Variants in ASPH observed in about 807,000 individuals in gnomAD.
ASPH encodes aspartate beta-hydroxylase.
ASPH carries 100 observed loss-of-function variants against 118.4 expected under a neutral mutation model. That is an observed-to-expected ratio of 0.84 (90% CI 0.72 to 1.00). ASPH has a LOEUF of 1.00. Ranked by LOEUF, ASPH falls within the 50% of genes least tolerant of loss-of-function variation. ASPH has a pLI of 0.00. For synonymous variants in ASPH, 315 were observed against 325.6 expected, an observed-to-expected ratio of 0.97 and a Z score of 0.35; for missense variants, 920 against 919.5, an observed-to-expected ratio of 1.00 and a Z score of -0.01.
At chr8:61,650,433 A>G (rs546587831) in intron 5 of ASPH, among the ~76,000 whole-genome samples, 128 of 152,334 alleles carry the variant, frequency 8.4e-4, no homozygotes, top group African/African-American at 2.9e-3. Flanking sequence ...CAATCCCTTC[A>G]TGAGATACGT....
chr8:61,535,492 T>C (rs1819145234), intron 21 of ASPH, among the ~76,000 whole-genome samples: 2 of 152,126 alleles, frequency 1.3e-5, no homozygotes, highest in Non-Finnish European at 2.9e-5. Context: ...ACACTGGAAA[T>C]TGAGAAAAGT....
At chr8:61,670,997 G>A (rs1036868032) in intron 3 of ASPH, among the ~76,000 whole-genome samples, 13 of 152,092 alleles carry the variant, frequency 8.5e-5, no homozygotes, top group African/African-American at 2.4e-4. Flanking sequence ...GCATGCCCCC[G>A]ACAGAGGCTC....
At position 61,513,856 on chromosome 8, in the gene ASPH, T is replaced by A. The variant is rs1586309877; in HGVS notation, c.2126+3672A>T. Among the ~76,000 whole-genome samples, 4 of 152,138 alleles carry A rather than the reference T, an allele frequency of 2.6e-5. No individual in the cohort carries two copies. The East Asian group carries it at 7.7e-4, about 29-fold the overall frequency. On this transcript the variant is annotated intron_variant, in intron 24 of 24. Coordinates refer to ENST00000379454, the MANE Select transcript of ASPH (RefSeq NM_004318.4). ...GGTGAAGATGGTTAACCTAATTATG[T>A]TTTAAGCTTTAGGGGAGGGGTTGGT...
intron 14 of ASPH, among the ~76,000 whole-genome samples, chr8:61,584,682 T>C (rs1838788350): frequency 6.6e-6 from 1 of 151,410 alleles, no homozygotes; most frequent in African/African-American, 2.4e-5. Context: ...TTTTCTTTTT[T>C]TTTTTCTGTA....
intron 18 of ASPH, among the ~76,000 whole-genome samples, chr8:61,561,113 AG>A (rs1392235403): frequency 2.6e-5 from 1 of 38,968 alleles, no homozygotes; most frequent in Non-Finnish European, 5.0e-5. Context: ...GGAGGGAGGG[AG>A]GGAGGGAGGG....
At chr8:61,607,983 G>A (rs1181293894) in intron 14 of ASPH, among the ~76,000 whole-genome samples, 1 of 152,156 alleles carries the variant, frequency 6.6e-6, no homozygotes, top group African/African-American at 2.4e-5. Flanking sequence ...AGGAGGATGG[G>A]GGACTTGAGA....
At chr8:61,626,227 G>A in intron 13 of ASPH, 1 of 1,523,046 alleles carries the variant, frequency 6.6e-7, no homozygotes, top group South Asian at 1.3e-5. Flanking sequence ...GGAGCGTATG[G>A]TTAGGCTGGT....
At chr8:61,676,268 AG>A (rs747423878) in intron 3 of ASPH, 1 of 1,590,630 alleles carries the variant, frequency 6.3e-7, no homozygotes, top group South Asian at 1.1e-5. Context: ...TAAAATATTA[AG>A]GACTTCCTCA....
chr8:61,608,032 C>T (rs1166781039), intron 14 of ASPH, among the ~76,000 whole-genome samples: 1 of 152,160 alleles, frequency 6.6e-6, no homozygotes, highest in Non-Finnish European at 1.5e-5. Flanking sequence ...AGGCCAGAGG[C>T]AGTTGCTGTC....
At chr8:61,694,459 G>A (rs1355592283) in intron 1 of ASPH, among the ~76,000 whole-genome samples, 31 of 152,130 alleles carry the variant, frequency 2.0e-4, no homozygotes, top group Non-Finnish European at 5.9e-5. Flanking sequence ...CACGGCTCCA[G>A]CATAGTGGCT....
At chr8:61,685,168 T>G (rs1434085099) in intron 1 of ASPH, among the ~76,000 whole-genome samples, 3 of 152,034 alleles carry the variant, frequency 2.0e-5, no homozygotes, top group African/African-American at 7.2e-5. Context: ...TTTCTGGATG[T>G]TTATGCAGGA....
intron 1 of ASPH, 66 bp downstream of exon 1, chr8:61,714,203 C>T (rs140984492): frequency 0.011 from 14,385 of 1,358,786 alleles, 110 homozygotes; most frequent in Non-Finnish European, 0.012. Flanking sequence ...CCGCAGCGTC[C>T]GCCGCGCCAG....
chr8:61,509,976 G>A (rs1324074164), intron 24 of ASPH, among the ~76,000 whole-genome samples: 2 of 151,926 alleles, frequency 1.3e-5, no homozygotes, highest in African/African-American at 2.4e-5. Context: ...TTCCCCCATC[G>A]CTGTCAAAGT....
chr8:61,672,406 T>C lies in ASPH; in HGVS notation c.322+8562A>G, dbSNP rs111425603. On this transcript the variant is annotated intron_variant, in intron 3 of 24. Coordinates refer to ENST00000379454, the MANE Select transcript of ASPH (RefSeq NM_004318.4). Reference sequence around the variant, plus strand: ...GCAGATTCAAATACAAATTGGAGATTGGAAAGGTCACCTGAAGACTTTTGT... The same window carrying C: ...GCAGATTCAAATACAAATTGGAGATCGGAAAGGTCACCTGAAGACTTTTGT... 3.4e-4 allele frequency among the ~76,000 whole-genome samples: 51 copies of C among 152,198 alleles called. 1 individual carries two copies. The highest frequency in any genetic ancestry group is 7.9e-4 in the African/African-American group (33 of 41,542).
At chr8:61,511,615 C>G (rs748520016) in intron 24 of ASPH, among the ~76,000 whole-genome samples, 1 of 152,130 alleles carries the variant, frequency 6.6e-6, no homozygotes, top group Non-Finnish European at 1.5e-5. Context: ...GCTTATCTTT[C>G]TTTTTGAGAT....
chr8:61,533,731 G>A (rs948720238), intron 21 of ASPH, among the ~76,000 whole-genome samples: 1 of 152,204 alleles, frequency 6.6e-6, no homozygotes, highest in African/African-American at 2.4e-5. Flanking sequence ...TTCTTTGGAA[G>A]CTTCTCTGTA....
intron 14 of ASPH, among the ~76,000 whole-genome samples, chr8:61,594,466 C>T (rs1213100821): frequency 1.3e-5 from 2 of 152,064 alleles, no homozygotes; most frequent in African/African-American, 4.8e-5. Context: ...ACCCCAATAC[C>T]AAAAAAATTG....
intron 10 of ASPH, among the ~76,000 whole-genome samples, chr8:61,640,081 C>T (rs1284284262): frequency 6.6e-6 from 1 of 152,194 alleles, no homozygotes; most frequent in Admixed American, 6.5e-5. Context: ...TAAAGTCACC[C>T]GTTGAGGCCA....
intron 1 of ASPH, among the ~76,000 whole-genome samples, chr8:61,696,484 C>T (rs901587137): frequency 6.6e-6 from 1 of 152,092 alleles, no homozygotes; most frequent in African/African-American, 2.4e-5. Context: ...ATGGGTCCAC[C>T]CATGCCTGTC....
Sources: gnomAD v4.1 joint callset for allele counts (sites outside exome capture counted in the v4.1 genomes callset) on GRCh38, gnomAD v4.1.1 for gene constraint, MANE v1.5 for transcripts, NCBI Gene and HGNC (gene_info 2026-07-23, HGNC 2026-07-21) for gene names.